Variants in SETD9 observed in about 807,000 individuals in gnomAD.
SETD9 encodes the protein SET domain containing 9.
A neutral mutation model predicts 36.4 loss-of-function variants in SETD9; 37 were observed. That is an observed-to-expected ratio of 1.02 (90% confidence interval 0.78 to 1.34). The LOEUF is 1.34. Ranked by LOEUF, SETD9 falls within the 40% of genes most tolerant of loss-of-function variation. SETD9 has a pLI of 0.00. For missense variants in SETD9, 323 were observed against 353.2 expected (o/e 0.91, Z 0.69); for synonymous variants, 128 against 132.9 (o/e 0.96, Z 0.26).
intron 2 of SETD9, 102 bp downstream of exon 2, chr5:56,911,638 A>C (rs1749136848): frequency 8.0e-7 from 1 of 1,254,242 alleles, no homozygotes; most frequent in Non-Finnish European, 1.0e-6. Context: ...GTAAGGGATT[A>C]AATTGGAAAC....
At chr5:56,927,268 T>C (rs891866947), downstream of SETD9, among the ~76,000 whole-genome samples, 16 of 152,018 alleles carry the variant, frequency 1.1e-4, no homozygotes, top group African/African-American at 3.6e-4. Flanking sequence ...AATGTATCAA[T>C]ATTGGCTCAT....
At chr5:56,919,089 G>T (rs1185562471), downstream of SETD9, among the ~76,000 whole-genome samples, 1 of 150,016 alleles carries the variant, frequency 6.7e-6, no homozygotes, top group African/African-American at 2.5e-5. Flanking sequence ...AATGTTTCCT[G>T]AATTAAACTA....
Position 56,916,879 on chromosome 5 carries a change from A to G in SETD9, c.877A>G (p.Asn293Asp). Residue 293 changes from asparagine (N) to aspartate (D), a missense_variant, in exon 6 of 6, where the codon AAC becomes GAC. Coordinates refer to ENST00000285947, the MANE Select transcript of SETD9 (RefSeq NM_153706.4). ...DINQGEELFS[N>D]YYTIVS ...CAATCAAGGAGAAGAGCTTTTTTCA[A>G]ACTACTACACAATTGTCAGCTAACT... 1 of 1,607,560 alleles carries G rather than the reference A, an allele frequency of 6.2e-7. No homozygotes were observed. Among genetic ancestry groups the G allele is most frequent in the Non-Finnish European group, 8.5e-7 (1 of 1,177,668 alleles).
In SETD9 at chr5:56,911,388, G is replaced by A. The variant is rs761014276; in HGVS notation, c.318G>A (p.Gln106=). 5.6e-6 allele frequency: 9 copies of A among 1,613,722 alleles called. No individual in the cohort carries two copies. The highest frequency in any genetic ancestry group is 7.6e-6 in the Non-Finnish European group (9 of 1,179,874). ...AACTGCTTGAAAACAGACATCAACA[G>A]CAAAGTACCTTTAAACCAGAAGAAA... ...GVKLLENRHQ[Q]QSTFKPEEIL... Residue 106 remains glutamine, a synonymous_variant, in exon 2 of 6, where the codon CAG becomes CAA. Coordinates refer to ENST00000285947, the MANE Select transcript of SETD9 (RefSeq NM_153706.4).
At chr5:56,916,136 G>A (rs1345620846) in intron 5 of SETD9, among the ~76,000 whole-genome samples, 5 of 152,178 alleles carry the variant, frequency 3.3e-5, no homozygotes, top group South Asian at 2.1e-4. Flanking sequence ...GCTCATGCCT[G>A]TAATCCCAGC....
chr5:56,912,163 G>GAA (rs796567347), intron 2 of SETD9: 7 of 750,078 alleles, frequency 9.3e-6, no homozygotes, highest in Admixed American at 6.9e-5. Context: ...TCAAAAAAAA[G>GAA]AAAAAAAAAA....
rs1749298483 is a variant in SETD9 at position 56,914,016 on chromosome 5, A to G, written c.706+27A>G. Reference sequence around the variant, plus strand: ...TAAGAAGGCATCATGGGGCTGTGAGATGAGATATATCAATGGCTAATTCTA... The same window carrying G: ...TAAGAAGGCATCATGGGGCTGTGAGGTGAGATATATCAATGGCTAATTCTA... On this transcript the variant is annotated intron_variant, in intron 4 of 5. Transcript: ENST00000285947. 8.0e-6 allele frequency: 12 copies of G among 1,499,378 alleles called. No homozygotes were observed. The Admixed American group carries it at 2.0e-4, about 25-fold the overall frequency. The allele number at this position is 1,499,378 out of a possible 1,614,324, so 92.9% of individuals were successfully genotyped here.
rs565507306 is a variant in SETD9 at position 56,916,869 on chromosome 5, G to A, written c.867G>A (p.Glu289=). The A allele has an allele frequency of 4.0e-4, 641 of 1,607,764 alleles. 7 individuals carry two copies. The South Asian group carries it at 6.7e-3, about 17-fold the overall frequency. Residue 289 remains glutamate, a synonymous_variant, in exon 6 of 6, where the codon GAG becomes GAA. Coordinates refer to ENST00000285947, the MANE Select transcript of SETD9 (RefSeq NM_153706.4). Reference sequence around the variant, plus strand: ...TTAGGGACATCAATCAAGGAGAAGAGCTTTTTTCAAACTACTACACAATTG... The same window carrying A: ...TTAGGGACATCAATCAAGGAGAAGAACTTTTTTCAAACTACTACACAATTG... The part of the protein sequence containing the change: ...VALRDINQGE[E]LFSNYYTIVS
chr5:56,911,457 C>T lies in SETD9; in HGVS notation c.387C>T (p.Ser129=). 2 of 1,609,536 alleles carry T rather than the reference C, an allele frequency of 1.2e-6. No homozygotes were observed. Among genetic ancestry groups the T allele is most frequent in the Non-Finnish European group, 1.7e-6 (2 of 1,178,698 alleles). The part of the protein sequence containing the change: ...TLGFSVAQAT[S]SLISAGKGVF... ...GTTTCAGTGTTGCCCAAGCAACTAGCTCATTGATTTCTGCTGGAAAAGGTG... is the reference window on the plus strand; with the variant it reads ...GTTTCAGTGTTGCCCAAGCAACTAGTTCATTGATTTCTGCTGGAAAAGGTG... Residue 129 remains serine (S), a synonymous_variant, in exon 2 of 6, where the codon AGC becomes AGT. Transcript: ENST00000285947.
chr5:56,923,184 T>C (rs1749758093), intron 5 of SETD9: 1 of 1,613,922 alleles, frequency 6.2e-7, no homozygotes, highest in Non-Finnish European at 8.5e-7. Context: ...ATGAAACCAT[T>C]GGTCTCGTTG....
At chr5:56,910,073 C>A (rs749860784) in intron 1 of SETD9, 27 of 1,268,724 alleles carry the variant, frequency 2.1e-5, no homozygotes, top group Non-Finnish European at 2.7e-5. Flanking sequence ...AGGCCGAGCT[C>A]GCCAGCCGGA....
chr5:56,911,568 A>T (rs1749131069), intron 2 of SETD9, 32 bp downstream of exon 2: 1 of 1,490,950 alleles, frequency 6.7e-7, no homozygotes, highest in Admixed American at 2.4e-5. Context: ...TACTTTGCCA[A>T]GCTTCTTACG....
At chr5:56,910,467 G>C (rs1008573477) in intron 1 of SETD9, 3 of 1,183,706 alleles carry the variant, frequency 2.5e-6, no homozygotes, top group Non-Finnish European at 1.1e-6. Context: ...GAGGCCGACC[G>C]GGCCTCCCTG....
intron 2 of SETD9, 126 bp downstream of exon 2, chr5:56,911,662 G>A: frequency 9.3e-7 from 1 of 1,074,492 alleles, no homozygotes; most frequent in Non-Finnish European, 1.3e-6. Flanking sequence ...AGTTTCCATA[G>A]ATTTTTGCAA....
chr5:56,918,005 A>G (rs1322815632), downstream of SETD9, among the ~76,000 whole-genome samples: 3 of 152,136 alleles, frequency 2.0e-5, no homozygotes, highest in Admixed American at 1.3e-4. Flanking sequence ...TAGCCTCTCA[A>G]TTGCCTTCCT....
chr5:56,910,293 GA>G, intron 1 of SETD9: 3 of 1,304,296 alleles, frequency 2.3e-6, no homozygotes. Context: ...CGTGGTTAAA[GA>G]AGCCCATCCC....
At position 56,916,868 on chromosome 5, in the gene SETD9, A is replaced by G. The variant is rs1749458196; in HGVS notation, c.866A>G (p.Glu289Gly). 2.5e-6 allele frequency: 4 copies of G among 1,608,190 alleles called. No individual in the cohort carries two copies. The highest frequency in any genetic ancestry group is 3.4e-6 in the Non-Finnish European group (4 of 1,177,922). Residue 289 changes from glutamate to glycine, a missense_variant, in exon 6 of 6, where the codon GAG becomes GGG. By Grantham distance (98) the Glu-to-Gly change is moderately conservative (BLOSUM62 -2). Transcript: ENST00000285947. ...VALRDINQGE[E>G]LFSNYYTIVS ...CTTAGGGACATCAATCAAGGAGAAG[A>G]GCTTTTTTCAAACTACTACACAATT...
At chr5:56,923,348 G>T in intron 5 of SETD9, 3 of 1,614,108 alleles carry the variant, frequency 1.9e-6, no homozygotes, top group Non-Finnish European at 2.5e-6. Flanking sequence ...TCTTTTTGCT[G>T]GTCTCTCTGA....
At chr5:56,909,525 C>G (rs1748976769), upstream of SETD9, 2 of 669,744 alleles carry the variant, frequency 3.0e-6, no homozygotes, top group South Asian at 2.2e-5. Flanking sequence ...GCCAGGAACA[C>G]TGAGAGCGGA....
Sources: allele counts gnomAD v4.1 joint callset (sites outside exome capture counted in the v4.1 genomes callset), GRCh38; gene constraint gnomAD v4.1.1; transcripts MANE v1.5; gene names NCBI Gene and HGNC (gene_info 2026-07-23, HGNC 2026-07-21).